The following FRYL variants were observed in gnomAD, a reference collection of about 807,000 sequenced individuals.
FRYL encodes the protein protein furry homolog-like.
In FRYL, 150 loss-of-function variants were observed where a neutral mutation model predicts 351.2. That is an observed-to-expected ratio of 0.43 (90% CI 0.37 to 0.49). The LOEUF (loss-of-function observed/expected upper bound fraction) is 0.49. FRYL is among the 20% of genes least tolerant of loss of function. The probability of loss-of-function intolerance (pLI) is 0.00; values close to 1 mark genes in which losing one functional copy is unlikely to be tolerated. For synonymous variants in FRYL, 1,153 were observed against 1,257.1 expected, an observed-to-expected ratio of 0.92 and a Z score of 1.75; for missense variants, 3,036 against 3,619.3, an observed-to-expected ratio of 0.84 and a Z score of 4.13.
chr4:48,531,132 T>G, intron 50 of FRYL, 24 bp downstream of exon 50: 1 of 1,414,200 alleles, frequency 7.1e-7, no homozygotes, highest in Non-Finnish European at 9.9e-7. Context: ...GTAGAGTAAC[T>G]TCATCAATTT....
At chr4:48,756,391 T>C (rs866955883) in intron 1 of FRYL, among the ~76,000 whole-genome samples, 33 of 152,308 alleles carry the variant, frequency 2.2e-4, no homozygotes, top group Admixed American at 1.7e-3. Context: ...TGTCAGATAT[T>C]GTTCCAGTCT....
At chr4:48,691,271 G>C (rs1196114599) in intron 2 of FRYL, among the ~76,000 whole-genome samples, 1 of 152,030 alleles carries the variant, frequency 6.6e-6, no homozygotes, top group Non-Finnish European at 1.5e-5. Context: ...AAATTTATTT[G>C]CAAAGACGTT....
At position 48,535,974 on chromosome 4, in the gene FRYL, C is replaced by G. The variant is rs573469186; in HGVS notation, c.6394-147G>C. 5 of 594,314 alleles carry G rather than the reference C, an allele frequency of 8.4e-6. No homozygotes were observed. In the East Asian group the frequency reaches 1.3e-4, roughly 15 times the overall value. The allele number at this position is 594,314 out of a possible 1,614,324, so 36.8% of individuals were successfully genotyped here. Reference sequence around the variant, plus strand: ...ACTTCAATACGTTAGAAAAGTGAAACGAGAAAAAAAGCACAAGGCATTCTT... The same window carrying G: ...ACTTCAATACGTTAGAAAAGTGAAAGGAGAAAAAAAGCACAAGGCATTCTT... On this transcript the variant is annotated intron_variant, in intron 47 of 63. Transcript: ENST00000358350.
intron 4 of FRYL, 112 bp downstream of exon 4, chr4:48,634,179 C>T (rs1753791165): frequency 2.5e-6 from 2 of 796,298 alleles, no homozygotes; most frequent in Admixed American, 2.2e-5. Context: ...TACATCACCA[C>T]TATCCCTTAA....
At chr4:48,719,450 A>G (rs1769222933) in intron 1 of FRYL, among the ~76,000 whole-genome samples, 2 of 151,788 alleles carry the variant, frequency 1.3e-5, no homozygotes, top group South Asian at 4.2e-4. Context: ...CAAGGCTGCT[A>G]TATAAAGATG....
intron 2 of FRYL, among the ~76,000 whole-genome samples, chr4:48,696,986 T>C (rs897987751): frequency 3.3e-5 from 5 of 151,912 alleles, no homozygotes; most frequent in African/African-American, 9.7e-5. Flanking sequence ...AAATGAATAA[T>C]TTTTCTCCAA....
At chr4:48,570,985 T>G in intron 26 of FRYL, 67 bp from the exon 27 acceptor site, 1 of 1,270,810 alleles carries the variant, frequency 7.9e-7, no homozygotes, top group South Asian at 1.2e-5. Context: ...ATAATGTGAC[T>G]GCCTCAGAGA....
chr4:48,594,032 A>G lies in FRYL; in HGVS notation c.1249-16T>C. On this transcript the variant is annotated splice_polypyrimidine_tract_variant and intron_variant, in intron 15 of 63. Transcript: ENST00000358350. ...CCAAGCGTTCCTTAAAAAAAAAAAA[A>G]TCCTTATAACTTGCTACTATGTGTT... 1 of 1,282,984 alleles carries G rather than the reference A, an allele frequency of 7.8e-7. No homozygotes were observed. Among genetic ancestry groups the G allele is most frequent in the Non-Finnish European group, 1.1e-6 (1 of 941,718 alleles). The allele number at this position is 1,282,984 out of a possible 1,614,324, so 79.5% of individuals were successfully genotyped here. A position where few individuals can be genotyped will look rare whatever the true frequency, so the allele number is the denominator to read the frequency against.
chr4:48,509,798 A>G (rs887173417), intron 59 of FRYL, among the ~76,000 whole-genome samples: 3 of 152,188 alleles, frequency 2.0e-5, no homozygotes, highest in African/African-American at 7.2e-5. Flanking sequence ...CCCACTTGGA[A>G]TGTTGACAGC....
At chr4:48,767,274 C>G (rs1016000597) in intron 1 of FRYL, among the ~76,000 whole-genome samples, 2 of 151,984 alleles carry the variant, frequency 1.3e-5, no homozygotes, top group Non-Finnish European at 2.9e-5. Flanking sequence ...GGATGTGCTA[C>G]ACACTTTCAA....
chr4:48,762,438 G>T (rs1039445093), intron 1 of FRYL, among the ~76,000 whole-genome samples: 1 of 152,012 alleles, frequency 6.6e-6, no homozygotes, highest in African/African-American at 2.4e-5. Context: ...GTTGCTTCTT[G>T]GCCTATTCCT....
intron 1 of FRYL, among the ~76,000 whole-genome samples, chr4:48,730,840 A>G (rs1770641311): frequency 6.6e-6 from 1 of 152,176 alleles, no homozygotes; most frequent in South Asian, 2.1e-4. Context: ...CTAGCATCAT[A>G]ATGACAGGAT....
At chr4:48,652,610 T>A (rs1232283321) in intron 3 of FRYL, among the ~76,000 whole-genome samples, 3 of 152,218 alleles carry the variant, frequency 2.0e-5, no homozygotes, top group Non-Finnish European at 4.4e-5. Context: ...ATATAGGGAT[T>A]GTAAATGCAG....
At chr4:48,712,817 G>T (rs1768257983) in intron 1 of FRYL, among the ~76,000 whole-genome samples, 1 of 152,060 alleles carries the variant, frequency 6.6e-6, no homozygotes, top group Admixed American at 6.6e-5. Flanking sequence ...AAATGTTAAG[G>T]GCAGCCAGAG....
Position 48,632,055 on chromosome 4 carries a change from C to CAA in FRYL, c.120+2234_120+2235dup, listed in dbSNP as rs71660455. Among the ~76,000 whole-genome samples the CAA allele has an allele frequency of 4.9e-4, 11 of 22,602 alleles. 2 individuals are homozygous for CAA. The highest frequency in any genetic ancestry group is 1.7e-3 in the East Asian group (1 of 606). The allele number at this position is 22,602 out of a possible 152,430, so 14.8% of individuals were successfully genotyped here. ...GAGACACAGCAAGACCCTGTCTCTC[C>CAA]AAAAAAAAAAAAAAAAAAAAAAAAA... On this transcript the variant is annotated intron_variant, in intron 4 of 63. Coordinates refer to ENST00000358350, the MANE Select transcript of FRYL (RefSeq NM_015030.2).
intron 3 of FRYL, among the ~76,000 whole-genome samples, chr4:48,640,447 T>C (rs1755098537): frequency 6.6e-6 from 1 of 152,152 alleles, no homozygotes; most frequent in East Asian, 1.9e-4. Context: ...TATGACATTC[T>C]GGAAAAGACT....
chr4:48,632,598 C>A (rs2149365112), intron 4 of FRYL, among the ~76,000 whole-genome samples: 2 of 150,816 alleles, frequency 1.3e-5, no homozygotes, highest in African/African-American at 2.4e-5. Context: ...ACAATATACA[C>A]AAAAAATATA....
At position 48,571,776 on chromosome 4, in the gene FRYL, C is replaced by T. The variant is rs556766153; in HGVS notation, c.2905-858G>A. ...AGTCTTTGAAGATTTCTGCAACTGGCTTTTGCAGTTTGGTTGGCCTGTTTT... is the reference window on the plus strand; with the variant it reads ...AGTCTTTGAAGATTTCTGCAACTGGTTTTTGCAGTTTGGTTGGCCTGTTTT... On this transcript the variant is annotated intron_variant, in intron 26 of 63. Transcript: ENST00000358350. The T allele has an allele frequency of 2.4e-3, 2,375 of 973,380 alleles. 11 individuals carry two copies. The highest frequency in any genetic ancestry group is 0.015 in the South Asian group (307 of 21,082). 60.3% of individuals were successfully genotyped at this position (973,380 alleles called of 1,614,324 possible).
chr4:48,728,002 T>G (rs562718983), intron 1 of FRYL, among the ~76,000 whole-genome samples: 1 of 152,136 alleles, frequency 6.6e-6, no homozygotes, highest in Non-Finnish European at 1.5e-5. Flanking sequence ...CAGAGGACTA[T>G]AGAAGACCTC....
Sources: allele counts gnomAD v4.1 joint callset (sites outside exome capture counted in the v4.1 genomes callset), GRCh38; gene constraint gnomAD v4.1.1; transcripts MANE v1.5; gene names NCBI Gene and HGNC (gene_info 2026-07-23, HGNC 2026-07-21).